The following GRIK2 variants were observed in gnomAD, a reference collection of about 807,000 sequenced individuals.
GRIK2 encodes glutamate receptor ionotropic, kainate 2.
In GRIK2, 32 loss-of-function variants were observed where a neutral mutation model predicts 100.3. That is an observed-to-expected ratio of 0.32 (90% CI 0.24 to 0.43). GRIK2 has a LOEUF of 0.43. Among genes scored for constraint, GRIK2 ranks in the 20% least tolerant of loss-of-function variants. GRIK2 has a pLI of 1.00. For synonymous variants in GRIK2, 417 were observed against 389.4 expected (o/e 1.07, Z -0.83); for missense variants, 843 against 1,114.9 (o/e 0.76, Z 3.47).
intron 2 of GRIK2, among the ~76,000 whole-genome samples, chr6:101,405,173 A>C (rs1775529981): frequency 6.6e-6 from 1 of 152,206 alleles, no homozygotes; most frequent in South Asian, 2.1e-4. Flanking sequence ...AGCACTATAT[A>C]GTCTTTATGG....
rs1169622526 is a variant in GRIK2, at chr6:101,546,819, C to CTTTT, written c.116-75105_116-75102dup. Among the ~76,000 whole-genome samples the CTTTT allele has an allele frequency of 2.3e-3, 179 of 76,920 alleles. 38 individuals are homozygous for CTTTT. The highest frequency in any genetic ancestry group is 6.0e-3 in the African/African-American group (127 of 21,080). 50.5% of individuals were successfully genotyped at this position (76,920 alleles called of 152,430 possible). On this transcript the variant is annotated intron_variant, in intron 2 of 16. Transcript: ENST00000369134. ...TCCTCCAACTCTCATGTTTTTGTTT[C>CTTTT]TTTTTTTTTTTTTTTTTTTTTTTTT...
intron 2 of GRIK2, among the ~76,000 whole-genome samples, chr6:101,516,835 A>G (rs546595055): frequency 2.5e-4 from 38 of 152,218 alleles, no homozygotes; most frequent in Non-Finnish European, 5.0e-4. Context: ...GGCCTTGTCA[A>G]CCCTTAATAT....
intron 14 of GRIK2, among the ~76,000 whole-genome samples, chr6:102,025,377 A>G (rs1306011759): frequency 1.3e-5 from 2 of 151,308 alleles, no homozygotes; most frequent in Non-Finnish European, 3.0e-5. Flanking sequence ...TACATAATAT[A>G]CTACCTAGTC....
intron 2 of GRIK2, among the ~76,000 whole-genome samples, chr6:101,525,225 A>G (rs1775091125): frequency 6.6e-6 from 1 of 152,238 alleles, no homozygotes; most frequent in Non-Finnish European, 1.5e-5. Flanking sequence ...TAAGAAGAAC[A>G]CACTTTAACT....
intron 2 of GRIK2, among the ~76,000 whole-genome samples, chr6:101,434,061 G>A (rs925806007): frequency 2.0e-5 from 3 of 152,160 alleles, no homozygotes; most frequent in Non-Finnish European, 4.4e-5. Context: ...TGACTTAAAG[G>A]TCACCCTTAA....
At position 101,831,760 on chromosome 6, in the gene GRIK2, A is replaced by T. The variant is rs146218489; in HGVS notation, c.1317+13277A>T. Among the ~76,000 whole-genome samples the T allele has an allele frequency of 2.2e-3, 330 of 152,212 alleles. 2 individuals are homozygous for T. Among genetic ancestry groups the T allele is most frequent in the African/African-American group, 7.7e-3 (320 of 41,546 alleles). ...TATTTTTTCCTGTAGCATTTACGGGAGTATGAGTTATTGATATGCAATGAA... is the reference window on the plus strand; with the variant it reads ...TATTTTTTCCTGTAGCATTTACGGGTGTATGAGTTATTGATATGCAATGAA... On this transcript the variant is annotated intron_variant, in intron 10 of 16. Coordinates refer to ENST00000369134, the MANE Select transcript of GRIK2 (RefSeq NM_021956.5).
At chr6:101,882,889 T>G (rs942873428) in intron 11 of GRIK2, among the ~76,000 whole-genome samples, 1 of 152,236 alleles carries the variant, frequency 6.6e-6, no homozygotes, top group South Asian at 2.1e-4. Flanking sequence ...ATGCGGTAAC[T>G]TGTTTATGGT....
intron 7 of GRIK2, among the ~76,000 whole-genome samples, chr6:101,702,687 G>T (rs548356475): frequency 6.6e-6 from 1 of 151,862 alleles, no homozygotes; most frequent in Non-Finnish European, 1.5e-5. Context: ...AAACAAATTA[G>T]GATAAGAAGA....
At chr6:101,954,796 G>A (rs1481647734) in intron 14 of GRIK2, among the ~76,000 whole-genome samples, 1 of 151,920 alleles carries the variant, frequency 6.6e-6, no homozygotes, top group Non-Finnish European at 1.5e-5. Context: ...CTAATATCGG[G>A]GGAAAACATT....
chr6:101,480,303 A>G (rs1216121793), intron 2 of GRIK2, among the ~76,000 whole-genome samples: 2 of 152,114 alleles, frequency 1.3e-5, no homozygotes, highest in East Asian at 3.9e-4. Context: ...GGGTTATATC[A>G]CATCAATTCA....
intron 4 of GRIK2, among the ~76,000 whole-genome samples, chr6:101,661,752 C>A (rs1480745308): frequency 6.6e-6 from 1 of 152,184 alleles, no homozygotes; most frequent in East Asian, 1.9e-4. Context: ...CTTGCACTTC[C>A]CGTGTGAGGC....
chr6:101,407,616 G>A (rs1775663939), intron 2 of GRIK2, among the ~76,000 whole-genome samples: 1 of 150,704 alleles, frequency 6.6e-6, no homozygotes, highest in African/African-American at 2.4e-5. Context: ...TCCTTAATGT[G>A]TAGCTCTATC....
At chr6:101,675,324 ACACT>A (rs1770753621) in intron 4 of GRIK2, among the ~76,000 whole-genome samples, 1 of 148,714 alleles carries the variant, frequency 6.7e-6, no homozygotes, top group East Asian at 1.9e-4. Flanking sequence ...ACACACACAC[ACACT>A]CGAGAAACAG....
At chr6:101,939,271 GC>G (rs571188292) in intron 14 of GRIK2, among the ~76,000 whole-genome samples, 486 of 151,966 alleles carry the variant, frequency 3.2e-3, no homozygotes, top group Non-Finnish European at 5.6e-3. Context: ...CTGGGTTTCT[GC>G]TTTTTTGAAT....
At chr6:101,441,250 T>G (rs2128246092) in intron 2 of GRIK2, among the ~76,000 whole-genome samples, 1 of 152,250 alleles carries the variant, frequency 6.6e-6, no homozygotes, top group East Asian at 1.9e-4. Flanking sequence ...TAGTCTACTC[T>G]CTGTCCCTTG....
intron 14 of GRIK2, among the ~76,000 whole-genome samples, chr6:101,998,916 C>T (rs556466194): frequency 1.9e-4 from 27 of 145,436 alleles, no homozygotes; most frequent in South Asian, 6.5e-4. Flanking sequence ...TTGGTTGAAG[C>T]GATTCTCCTG....
chr6:101,750,913 G>A (rs1562356493), intron 7 of GRIK2, among the ~76,000 whole-genome samples: 1 of 152,086 alleles, frequency 6.6e-6, no homozygotes, highest in Non-Finnish European at 1.5e-5. Context: ...AGGGCAAATG[G>A]TTCAAAATAC....
rs567267637 is a variant in GRIK2 at position 101,648,192 on chromosome 6, A to G, written c.541+21555A>G. 5.3e-5 allele frequency among the ~76,000 whole-genome samples: 8 copies of G among 152,148 alleles called. No homozygotes were observed. The East Asian group carries it at 1.2e-3, about 22-fold the overall frequency. Reference sequence around the variant, plus strand: ...GCTGTAACTTTAGATATGATTTAGAAGTCTATATCTTAGAAACTACTATAA... The same window carrying G: ...GCTGTAACTTTAGATATGATTTAGAGGTCTATATCTTAGAAACTACTATAA... On this transcript the variant is annotated intron_variant, in intron 4 of 16. Transcript: ENST00000369134.
At chr6:101,932,092 G>A (rs1790325646) in intron 14 of GRIK2, among the ~76,000 whole-genome samples, 1 of 151,958 alleles carries the variant, frequency 6.6e-6, no homozygotes, top group Non-Finnish European at 1.5e-5. Context: ...GAGAATGCTT[G>A]TATTTTTGAA....
Sources: gnomAD v4.1 joint callset for allele counts (sites outside exome capture counted in the v4.1 genomes callset) on GRCh38, gnomAD v4.1.1 for gene constraint, MANE v1.5 for transcripts, NCBI Gene and HGNC (gene_info 2026-07-23, HGNC 2026-07-21) for gene names.